The following CRACD variants were observed in gnomAD, a reference collection of about 807,000 sequenced individuals.
The protein encoded by CRACD is capping protein-inhibiting regulator of actin dynamics.
In CRACD, 56 loss-of-function variants were observed where a neutral mutation model predicts 106.8. The observed-to-expected ratio is 0.52, with a 90% CI of 0.42 to 0.66. CRACD has a LOEUF of 0.66. Ranked by LOEUF, CRACD falls within the 30% of genes least tolerant of loss-of-function variation. CRACD has a pLI of 0.00. For synonymous variants in CRACD, 754 were observed against 670.8 expected (o/e 1.12, Z -1.92); for missense variants, 1,730 against 1,623.2 (o/e 1.07, Z -1.13).
intron 2 of CRACD, among the ~76,000 whole-genome samples, chr4:56,220,209 C>T (rs188819699): frequency 6.6e-6 from 1 of 152,314 alleles, no homozygotes; most frequent in African/African-American, 2.4e-5. Flanking sequence ...TTCTTACTTT[C>T]ACCATAAGCT....
chr4:56,108,751 C>T (rs1734026573), intron 1 of CRACD, among the ~76,000 whole-genome samples: 1 of 152,174 alleles, frequency 6.6e-6, no homozygotes, highest in Admixed American at 6.5e-5. Context: ...GTAGCTGAAG[C>T]AGAGAGGGAA....
chr4:56,190,467 G>A (rs73155189), intron 2 of CRACD, among the ~76,000 whole-genome samples: 2,522 of 152,264 alleles, frequency 0.017, 66 homozygotes, highest in East Asian at 0.053. Flanking sequence ...TTCTCCAGAT[G>A]TGGAGAAATA....
chr4:56,252,212 T>C (rs1012586293), intron 2 of CRACD, among the ~76,000 whole-genome samples: 4 of 152,024 alleles, frequency 2.6e-5, no homozygotes, highest in African/African-American at 9.7e-5. Flanking sequence ...TATCTGGGCT[T>C]TACATACCCT....
intron 2 of CRACD, among the ~76,000 whole-genome samples, chr4:56,255,220 A>T (rs1741288384): frequency 7.1e-6 from 1 of 141,784 alleles, no homozygotes; most frequent in Non-Finnish European, 1.6e-5. Context: ...TGTTATCAAT[A>T]ATTACTACAA....
At chr4:56,291,668 C>A (rs969863496) in intron 3 of CRACD, among the ~76,000 whole-genome samples, 2 of 152,168 alleles carry the variant, frequency 1.3e-5, no homozygotes, top group Non-Finnish European at 2.9e-5. Flanking sequence ...CCTGCTCTCA[C>A]CACATGACTG....
chr4:56,250,437 A>G (rs1178395849), intron 2 of CRACD, among the ~76,000 whole-genome samples: 1 of 152,158 alleles, frequency 6.6e-6, no homozygotes, highest in Non-Finnish European at 1.5e-5. Context: ...TATCACTCCT[A>G]TTTTACAAAC....
intron 2 of CRACD, among the ~76,000 whole-genome samples, chr4:56,202,297 G>A (rs1737918857): frequency 6.6e-6 from 1 of 152,128 alleles, no homozygotes; most frequent in African/African-American, 2.4e-5. Flanking sequence ...CCAGGCTGGA[G>A]TACAGTGGCG....
Position 56,315,421 on chromosome 4 carries a change from G to A in CRACD, c.1919G>A (p.Arg640Gln), listed in dbSNP as rs1456346118. ...GCCCCAGCTGGGGAGAACCCTCCCC[G>A]AGGCCCCGGCGACGCGAGGGCGGGC... ...AEAPAGENPP[R>Q]GPGDARAGSG... The change falls in exon 8 of 11, where the codon CGA becomes CAA. Residue 640 changes from arginine (R) to glutamine (Q), a missense_variant. By Grantham distance (43) the Arg-to-Gln change is conservative (BLOSUM62 1). This residue lies in a region of CRACD where 1,620 missense variants were observed against 1,481.6 expected (regional missense o/e 1.09). Coordinates refer to ENST00000682029, the MANE Select transcript of CRACD (RefSeq NM_001393381.1). The surrounding 1 kb of genome is among the most constrained non-coding windows in gnomAD (Gnocchi z 4.1). 5.0e-6 allele frequency: 8 copies of A among 1,612,566 alleles called. No homozygotes were observed. Among genetic ancestry groups the A allele is most frequent in the Non-Finnish European group, 6.8e-6 (8 of 1,179,634 alleles).
intron 1 of CRACD, among the ~76,000 whole-genome samples, chr4:56,053,981 T>A (rs1485761514): frequency 6.6e-6 from 1 of 152,178 alleles, no homozygotes; most frequent in Non-Finnish European, 1.5e-5. Flanking sequence ...CTAATGAAAT[T>A]GTGTAAAGTT....
chr4:56,179,887 G>A (rs148789263), intron 2 of CRACD, among the ~76,000 whole-genome samples: 283 of 152,030 alleles, frequency 1.9e-3, no homozygotes, highest in African/African-American at 6.3e-3. Context: ...TGTGGTGGTG[G>A]GCACCTGTAG....
chr4:56,327,819 C>G lies in CRACD; in HGVS notation c.*15C>G, dbSNP rs373670321. ...TTATTAAGTAAAGAGTGACTCTCAC[C>G]CATCCCTACTGCCAGTTATTGGCTC... On this transcript the variant is annotated 3_prime_UTR_variant, in exon 11 of 11. Transcript: ENST00000682029. The G allele has an allele frequency of 6.0e-4, 958 of 1,604,906 alleles. 1 individual carries two copies. Among genetic ancestry groups the G allele is most frequent in the Non-Finnish European group, 7.9e-4 (929 of 1,173,584 alleles).
chr4:56,270,222 CT>C (rs34169072), intron 2 of CRACD, among the ~76,000 whole-genome samples: 69,397 of 147,618 alleles, frequency 0.47, 16,735 homozygotes, highest in African/African-American at 0.62. Flanking sequence ...TTTTCTTTTT[CT>C]TTTTTTTTTT....
chr4:56,165,255 C>A (rs1425627562), intron 1 of CRACD, among the ~76,000 whole-genome samples: 2 of 152,316 alleles, frequency 1.3e-5, no homozygotes, highest in South Asian at 4.1e-4. Context: ...TAAAGAACAT[C>A]CACTGAGAGT....
At position 56,328,871 on chromosome 4, in the gene CRACD, G is replaced by A. The variant is rs540681615; in HGVS notation, c.*1067G>A. ...AGCCATTTATTACAAGAAGCAACAG[G>A]TTATTGACATTACATGTTTGAAAAT... is the stretch of plus-strand genomic sequence containing the variant. On this transcript the variant is annotated 3_prime_UTR_variant, in exon 11 of 11. Coordinates refer to ENST00000682029, the MANE Select transcript of CRACD (RefSeq NM_001393381.1). Among the ~76,000 whole-genome samples the A allele has an allele frequency of 4.1e-4, 63 of 152,268 alleles. No individual in the cohort carries two copies. Among genetic ancestry groups the A allele is most frequent in the African/African-American group, 1.4e-3 (57 of 41,554 alleles).
At chr4:56,280,100 AC>A (rs1560515405) in intron 3 of CRACD, among the ~76,000 whole-genome samples, 1 of 141,414 alleles carries the variant, frequency 7.1e-6, no homozygotes, top group African/African-American at 2.7e-5. Context: ...CAGTGAGAAC[AC>A]ATGGACACAG....
At chr4:56,205,986 A>C (rs1441312090) in intron 2 of CRACD, among the ~76,000 whole-genome samples, 1 of 152,220 alleles carries the variant, frequency 6.6e-6, no homozygotes, top group African/African-American at 2.4e-5. Context: ...TCTCTAGATC[A>C]ATCTGGAATT....
At chr4:56,292,290 C>T (rs995648631) in intron 3 of CRACD, among the ~76,000 whole-genome samples, 2 of 152,150 alleles carry the variant, frequency 1.3e-5, no homozygotes, top group African/African-American at 4.8e-5. Context: ...AGTTTACACG[C>T]AGATATGCCA....
chr4:56,173,692 A>G (rs1272521719), intron 1 of CRACD, among the ~76,000 whole-genome samples: 1 of 152,230 alleles, frequency 6.6e-6, no homozygotes, highest in Non-Finnish European at 1.5e-5. Context: ...TATTTGTAAT[A>G]ATTGGTAAAA....
chr4:56,126,735 C>T (rs115834595), intron 1 of CRACD, among the ~76,000 whole-genome samples: 5,253 of 152,226 alleles, frequency 0.035, 143 homozygotes, highest in South Asian at 0.067. Flanking sequence ...TTGGGTTCTT[C>T]GACTTCTAAA....
Sources: allele counts gnomAD v4.1 joint callset (sites outside exome capture counted in the v4.1 genomes callset), GRCh38; gene constraint gnomAD v4.1.1; regional missense constraint gnomAD v4.1.1; non-coding constraint Gnocchi (gnomAD v3.1); transcripts MANE v1.5; gene names NCBI Gene and HGNC (gene_info 2026-07-23, HGNC 2026-07-21).